Variants in UNC13C observed in about 807,000 individuals in gnomAD.
UNC13C encodes the protein protein unc-13 homolog C.
Under a neutral mutation model 245.4 loss-of-function variants are expected in UNC13C, and 174 were observed. The ratio of observed to expected loss-of-function variants is 0.71; its 90% CI spans 0.63 to 0.80. UNC13C has a LOEUF of 0.80. UNC13C is among the 30% of genes least tolerant of loss of function. UNC13C has a pLI of 0.00. For synonymous variants in UNC13C, 992 were observed against 895.1 expected (o/e 1.11, Z -1.93); for missense variants, 2,829 against 2,602.9 (o/e 1.09, Z -1.89).
At chr15:54,198,187 G>T (rs1324163016) in intron 4 of UNC13C, among the ~76,000 whole-genome samples, 1 of 152,092 alleles carries the variant, frequency 6.6e-6, no homozygotes, top group Non-Finnish European at 1.5e-5. Flanking sequence ...CGAAGGAGGG[G>T]CTGAGCTCAG....
chr15:53,935,153 G>T, the UNC13C span, among the ~76,000 whole-genome samples: 1 of 103,004 alleles, frequency 9.7e-6, no homozygotes, highest in African/African-American at 2.9e-5. Flanking sequence ...TTATCCTCCT[G>T]ATTAAAAAAA....
At chr15:54,484,253 A>C (rs1034308790) in intron 19 of UNC13C, among the ~76,000 whole-genome samples, 7 of 152,182 alleles carry the variant, frequency 4.6e-5, no homozygotes, top group African/African-American at 7.2e-5. Context: ...GGGTCATTGT[A>C]TTGCAGTTTT....
chr15:54,626,122 A>G (rs1351160477), intron 32 of UNC13C, among the ~76,000 whole-genome samples: 1 of 151,906 alleles, frequency 6.6e-6, no homozygotes, highest in Non-Finnish European at 1.5e-5. Flanking sequence ...ATGAACAAAA[A>G]TAAGGGGTGG....
chr15:54,104,039 G>A (rs559734461), intron 2 of UNC13C, among the ~76,000 whole-genome samples: 112 of 152,316 alleles, frequency 7.4e-4, no homozygotes, highest in African/African-American at 2.6e-3. Context: ...CACCATGCCC[G>A]GCCACACGTA....
intron 10 of UNC13C, among the ~76,000 whole-genome samples, chr15:54,269,342 C>T (rs114908154): frequency 0.015 from 2,209 of 151,812 alleles, 42 homozygotes; most frequent in African/African-American, 0.052. Context: ...CCTGTTAATC[C>T]CTCTTGACTA....
intron 17 of UNC13C, among the ~76,000 whole-genome samples, chr15:54,344,723 T>G (rs189265318): frequency 6.6e-6 from 1 of 152,292 alleles, no homozygotes; most frequent in East Asian, 1.9e-4. Context: ...AAGACCTTTT[T>G]GTCTTATAGC....
At chr15:54,604,979 A>C (rs948820068) in intron 30 of UNC13C, among the ~76,000 whole-genome samples, 2 of 152,184 alleles carry the variant, frequency 1.3e-5, no homozygotes, top group Admixed American at 1.3e-4. Flanking sequence ...GGGGAAAAAA[A>C]CAGCTCTGTT....
At chr15:54,048,683 A>G in intron 2 of UNC13C, 1 of 321,440 alleles carries the variant, frequency 3.1e-6, no homozygotes, top group Admixed American at 4.0e-5. Context: ...GCTCCTCAAC[A>G]AAGCAGCAAA....
chr15:54,057,183 A>G (rs536429854), intron 2 of UNC13C, among the ~76,000 whole-genome samples: 1 of 152,298 alleles, frequency 6.6e-6, no homozygotes, highest in East Asian at 1.9e-4. Flanking sequence ...TTAAAGAGTC[A>G]AGACCCATCG....
At chr15:54,393,631 T>C (rs138358134) in intron 18 of UNC13C, among the ~76,000 whole-genome samples, 95 of 152,058 alleles carry the variant, frequency 6.2e-4, no homozygotes, top group African/African-American at 2.2e-3. Context: ...AATAACATAT[T>C]TAATAAAACA....
intron 19 of UNC13C, among the ~76,000 whole-genome samples, chr15:54,489,014 A>G: frequency 6.6e-6 from 1 of 152,260 alleles, no homozygotes; most frequent in East Asian, 1.9e-4. Context: ...GGTAATTTGA[A>G]CTATATTTTT....
At chr15:54,134,786 AG>A (rs1435298257) in intron 2 of UNC13C, among the ~76,000 whole-genome samples, 4 of 152,292 alleles carry the variant, frequency 2.6e-5, no homozygotes, top group Admixed American at 2.6e-4. Flanking sequence ...ATGGCAGTGC[AG>A]GTATCTCTTC....
the UNC13C span, among the ~76,000 whole-genome samples, chr15:53,892,358 G>T: frequency 6.6e-6 from 1 of 152,042 alleles, no homozygotes; most frequent in Non-Finnish European, 1.5e-5. Context: ...GTGTCTTGAG[G>T]TTGCTCTTCT....
the UNC13C span, among the ~76,000 whole-genome samples, chr15:53,868,518 C>G: frequency 6.6e-6 from 1 of 152,050 alleles, no homozygotes; most frequent in African/African-American, 2.4e-5. Flanking sequence ...TAAGGAGGCC[C>G]GGCCTATGCA....
At chr15:53,857,462 T>C in the UNC13C span, among the ~76,000 whole-genome samples, 16 of 152,130 alleles carry the variant, frequency 1.1e-4, no homozygotes, top group Admixed American at 2.0e-4. Flanking sequence ...TAAGATAATA[T>C]TGGGACCAGA....
intron 2 of UNC13C, among the ~76,000 whole-genome samples, chr15:54,040,168 T>C (rs1464448111): frequency 1.3e-5 from 2 of 152,170 alleles, no homozygotes; most frequent in Admixed American, 6.5e-5. Flanking sequence ...CTCATTCCTA[T>C]GGGTAGGTTT....
chr15:54,365,952 C>G (rs2039355877), intron 17 of UNC13C, among the ~76,000 whole-genome samples: 4 of 151,898 alleles, frequency 2.6e-5, no homozygotes, highest in Admixed American at 2.6e-4. Context: ...TCTTGAAGAC[C>G]CTTAGAATTA....
At chr15:53,941,586 A>T in the UNC13C span, among the ~76,000 whole-genome samples, 1 of 152,028 alleles carries the variant, frequency 6.6e-6, no homozygotes, top group Non-Finnish European at 1.5e-5. Flanking sequence ...GGAACTTACA[A>T]AAAATTACAA....
intron 2 of UNC13C, among the ~76,000 whole-genome samples, chr15:54,034,517 T>C (rs1175034588): frequency 6.6e-6 from 1 of 152,224 alleles, no homozygotes; most frequent in Non-Finnish European, 1.5e-5. Context: ...AATATAATTG[T>C]TTCTCTCAAT....
Sources: gnomAD v4.1 joint callset for allele counts (sites outside exome capture counted in the v4.1 genomes callset) on GRCh38, gnomAD v4.1.1 for gene constraint, MANE v1.5 for transcripts, NCBI Gene and HGNC (gene_info 2026-07-23, HGNC 2026-07-21) for gene names.